Variants in UNC79 observed in about 807,000 individuals in gnomAD.
UNC79 encodes the protein unc-79 subunit of NALCN channel complex, also known as protein unc-79 homolog.
A neutral mutation model predicts 283.1 loss-of-function variants in UNC79; 37 were observed. The observed-to-expected ratio is 0.13, with a 90% CI of 0.10 to 0.17. The LOEUF is 0.17. UNC79 is among the 10% of genes least tolerant of loss of function. UNC79 has a pLI of 1.00. For missense variants in UNC79, 2,272 were observed against 3,211.1 expected (o/e 0.71, Z 7.07); for synonymous variants, 1,107 against 1,200.2 (o/e 0.92, Z 1.61).
chr14:93,368,681 A>C (rs890834207), intron 1 of UNC79, among the ~76,000 whole-genome samples: 3 of 152,146 alleles, frequency 2.0e-5, no homozygotes, highest in Admixed American at 6.5e-5. Context: ...TATGTTGCTC[A>C]TGCTGGTCTC....
chr14:93,348,164 C>A (rs759582974), intron 1 of UNC79: 1 of 1,231,568 alleles, frequency 8.1e-7, no homozygotes, highest in Non-Finnish European at 1.2e-6. Context: ...AAAAAACTTT[C>A]AGAAAAAGCT....
At chr14:93,559,736 A>G (rs1003806886) in intron 14 of UNC79, among the ~76,000 whole-genome samples, 6 of 151,962 alleles carry the variant, frequency 3.9e-5, no homozygotes, top group Admixed American at 2.0e-4. Flanking sequence ...GGAACCGACC[A>G]TTTTCACTTC....
chr14:93,624,067 G>T (rs895539578), intron 30 of UNC79, among the ~76,000 whole-genome samples: 1 of 152,160 alleles, frequency 6.6e-6, no homozygotes, highest in African/African-American at 2.4e-5. Context: ...TAGAGGAGGG[G>T]ATGCACCAGG....
In UNC79 at chr14:93,586,351, T is replaced by A. The variant is rs563435306; in HGVS notation, c.2804-245T>A. Among the ~76,000 whole-genome samples, 3 of 152,292 alleles carry A rather than the reference T, an allele frequency of 2.0e-5. No homozygotes were observed. The South Asian group carries it at 6.2e-4, about 32-fold the overall frequency. On this transcript the variant is annotated intron_variant, in intron 20 of 48. Coordinates refer to ENST00000555664, the Ensembl canonical transcript of UNC79. ...GGTTAGCTCCAGGGAGCCAAAGACA[T>A]CTGAATACATGATGGACTGCGCAGT...
intron 26 of UNC79, among the ~76,000 whole-genome samples, chr14:93,603,635 G>A (rs181256120): frequency 4.6e-4 from 70 of 152,314 alleles, no homozygotes; most frequent in Middle Eastern, 3.4e-3. Context: ...TGATCCAACA[G>A]TAGATGTTTT....
intron 23 of UNC79, among the ~76,000 whole-genome samples, chr14:93,595,251 G>A (rs1462157537): frequency 1.3e-5 from 2 of 151,710 alleles, no homozygotes; most frequent in South Asian, 2.1e-4. Context: ...CACCACACCC[G>A]GCTAATTTTT....
chr14:93,694,127 C>A (rs1178982689), intron 46 of UNC79, among the ~76,000 whole-genome samples: 1 of 152,148 alleles, frequency 6.6e-6, no homozygotes, highest in Non-Finnish European at 1.5e-5. Flanking sequence ...GGAGGCATGA[C>A]AATTACCAAG....
intron 1 of UNC79, among the ~76,000 whole-genome samples, chr14:93,372,174 T>A (rs2054465370): frequency 6.6e-6 from 1 of 150,710 alleles, no homozygotes; most frequent in African/African-American, 2.4e-5. Flanking sequence ...TTTTTCTTCT[T>A]AATTGGTCAT....
At chr14:93,630,087 C>G (rs2067900643) in intron 30 of UNC79, among the ~76,000 whole-genome samples, 1 of 152,180 alleles carries the variant, frequency 6.6e-6, no homozygotes, top group Non-Finnish European at 1.5e-5. Flanking sequence ...CAACATTTGT[C>G]AAATAGGAGA....
chr14:93,506,245 G>C (rs1340834180), intron 7 of UNC79, among the ~76,000 whole-genome samples: 1 of 144,946 alleles, frequency 6.9e-6, no homozygotes, highest in South Asian at 2.1e-4. Flanking sequence ...TTTTTGAGAT[G>C]TAGTTTCGCT....
chr14:93,685,369 G>T (rs918853001), intron 42 of UNC79, among the ~76,000 whole-genome samples: 7 of 152,116 alleles, frequency 4.6e-5, no homozygotes, highest in African/African-American at 1.7e-4. Flanking sequence ...ATCCTTTCTT[G>T]CACGAAAGGA....
At chr14:93,495,582 AC>A (rs2140580531) in intron 5 of UNC79, among the ~76,000 whole-genome samples, 1 of 152,352 alleles carries the variant, frequency 6.6e-6, no homozygotes, top group East Asian at 1.9e-4. Flanking sequence ...ACCACAGGTG[AC>A]GGGAGGGTCA....
intron 7 of UNC79, among the ~76,000 whole-genome samples, chr14:93,504,329 T>TA (rs571819203): frequency 6.6e-6 from 1 of 151,982 alleles, no homozygotes; most frequent in Non-Finnish European, 1.5e-5. Flanking sequence ...TTTGCTAAGT[T>TA]AAAAAATTTG....
chr14:93,673,481 CTT>C (rs759226640), intron 41 of UNC79, 26 bp downstream of exon 44: 1 of 1,597,730 alleles, frequency 6.3e-7, no homozygotes, highest in East Asian at 2.2e-5. Context: ...ATTTGTAAAA[CTT>C]TTCATGAGAT....
intron 7 of UNC79, among the ~76,000 whole-genome samples, chr14:93,517,325 C>CT (rs3060641): frequency 1.2e-3 from 137 of 116,014 alleles, no homozygotes; most frequent in Middle Eastern, 4.1e-3. Context: ...CTATCCTTCT[C>CT]TTTTTTTTTT....
chr14:93,480,224 G>A (rs2058055707), intron 4 of UNC79, among the ~76,000 whole-genome samples: 1 of 152,232 alleles, frequency 6.6e-6, no homozygotes, highest in South Asian at 2.1e-4. Context: ...CAAAATTTGT[G>A]TATATTTTAA....
chr14:93,653,589 G>T (rs2070557488), intron 35 of UNC79, among the ~76,000 whole-genome samples, 153 bp from the exon 39 acceptor site: 1 of 152,138 alleles, frequency 6.6e-6, no homozygotes, highest in African/African-American at 2.4e-5. Context: ...ACAGGGATTA[G>T]GTTTGAGTAG....
At chr14:93,471,470 A>G (rs2057499888) in intron 2 of UNC79, among the ~76,000 whole-genome samples, 1 of 152,130 alleles carries the variant, frequency 6.6e-6, no homozygotes. Context: ...TGAGCAGGGC[A>G]TTCTTAATAT....
chr14:93,619,291 G>C (rs2066956293), intron 29 of UNC79, among the ~76,000 whole-genome samples: 1 of 152,168 alleles, frequency 6.6e-6, no homozygotes, highest in South Asian at 2.1e-4. Flanking sequence ...GGCAAATTGG[G>C]GAGATCTGTT....
Sources: gnomAD v4.1 joint callset for allele counts (sites outside exome capture counted in the v4.1 genomes callset) on GRCh38, gnomAD v4.1.1 for gene constraint, MANE v1.5 for transcripts, NCBI Gene and HGNC (gene_info 2026-07-23, HGNC 2026-07-21) for gene names.